Variants in SORCS2 observed in about 807,000 individuals in gnomAD.
The protein encoded by SORCS2 is sortilin related VPS10 domain containing receptor 2, also known as VPS10 domain-containing receptor SorCS2.
In SORCS2, 100 loss-of-function variants were observed where a neutral mutation model predicts 141.6. That is an observed-to-expected ratio of 0.71 (90% confidence interval 0.60 to 0.83). SORCS2 has a LOEUF of 0.83. Ranked by LOEUF, SORCS2 falls within the 40% of genes least tolerant of loss-of-function variation. SORCS2 has a pLI of 0.00. For missense variants in SORCS2, 1,646 were observed against 1,560.2 expected (o/e 1.05, Z -0.93); for synonymous variants, 789 against 676.9 (o/e 1.17, Z -2.57).
intron 2 of SORCS2, among the ~76,000 whole-genome samples, chr4:7,522,239 G>A (rs534886027): frequency 2.0e-5 from 3 of 152,212 alleles, no homozygotes; most frequent in Admixed American, 1.3e-4. Context: ...CCCTGAGGAG[G>A]AGGGGTGGGC....
chr4:7,400,598 G>A (rs1724512831), intron 2 of SORCS2, among the ~76,000 whole-genome samples: 2 of 152,206 alleles, frequency 1.3e-5, no homozygotes, highest in Non-Finnish European at 2.9e-5. Flanking sequence ...GATACATGTT[G>A]GGCATTGGAT....
chr4:7,548,310 G>C (rs951214522), intron 3 of SORCS2, among the ~76,000 whole-genome samples: 1 of 152,116 alleles, frequency 6.6e-6, no homozygotes, highest in Non-Finnish European at 1.5e-5. Flanking sequence ...CCTTGGCCTC[G>C]TGGGCAGTGA....
chr4:7,614,100 T>C (rs1469536643), intron 3 of SORCS2, among the ~76,000 whole-genome samples: 1 of 149,116 alleles, frequency 6.7e-6, no homozygotes, highest in African/African-American at 2.5e-5. Context: ...CCCATCACCA[T>C]CCATTCATCC....
At chr4:7,699,773 C>T (rs1051200903) in intron 12 of SORCS2, among the ~76,000 whole-genome samples, 7 of 152,194 alleles carry the variant, frequency 4.6e-5, no homozygotes, top group South Asian at 2.1e-4. Flanking sequence ...TGCACGCGTT[C>T]CACTGCTGTC....
Position 7,522,757 on chromosome 4 carries a change from CT to C in SORCS2, c.549-8769del, listed in dbSNP as rs1733413742. Among the ~76,000 whole-genome samples the C allele has an allele frequency of 7.4e-5, 5 of 68,024 alleles. 2 individuals carry two copies. The highest frequency in any genetic ancestry group is 1.3e-4 in the Non-Finnish European group (4 of 29,938). The allele number at this position is 68,024 out of a possible 152,430, so 44.6% of individuals were successfully genotyped here. ...TTCCTTCCTTTCTTTCCTCTCCCTC[CT>C]TTTCCTCTTCCTTCCCTCCTTTATC... On this transcript the variant is annotated intron_variant, in intron 2 of 26. Transcript: ENST00000507866.
intron 1 of SORCS2, among the ~76,000 whole-genome samples, chr4:7,393,085 TG>T (rs1330841918): frequency 6.6e-6 from 1 of 152,094 alleles, no homozygotes; most frequent in Non-Finnish European, 1.5e-5. Flanking sequence ...GGATGAGACG[TG>T]GGGTGATGCG....
At chr4:7,721,795 T>A (rs1371609947) in intron 18 of SORCS2, among the ~76,000 whole-genome samples, 1 of 152,146 alleles carries the variant, frequency 6.6e-6, no homozygotes, top group East Asian at 1.9e-4. Flanking sequence ...TGGCAAGATG[T>A]TAGCCTTGGG....
chr4:7,708,473 C>T (rs929870853), intron 14 of SORCS2, among the ~76,000 whole-genome samples: 6 of 152,086 alleles, frequency 3.9e-5, no homozygotes, highest in Non-Finnish European at 7.4e-5. Flanking sequence ...TCCCGCTGGC[C>T]GGCCGACCTT....
chr4:7,732,384 G>C (rs1414888018), intron 23 of SORCS2, among the ~76,000 whole-genome samples: 1 of 152,154 alleles, frequency 6.6e-6, no homozygotes, highest in African/African-American at 2.4e-5. Flanking sequence ...AGAGGGGCCG[G>C]GAGGGAGTGA....
chr4:7,253,367 T>C (rs6812479), intron 1 of SORCS2, among the ~76,000 whole-genome samples: 129,801 of 151,862 alleles, frequency 0.85, 55,664 homozygotes, highest in African/African-American at 0.92. Flanking sequence ...CTCTGGTCCA[T>C]TGCCTATGAC....
At chr4:7,733,103 A>G (rs1324113206) in intron 23 of SORCS2, among the ~76,000 whole-genome samples, 1 of 49,970 alleles carries the variant, frequency 2.0e-5, no homozygotes, top group Admixed American at 2.6e-4. Context: ...ACACCCCCTC[A>G]CTCTCTCCAC....
At chr4:7,269,417 T>C (rs896330667) in intron 1 of SORCS2, among the ~76,000 whole-genome samples, 1 of 152,198 alleles carries the variant, frequency 6.6e-6, no homozygotes, top group Non-Finnish European at 1.5e-5. Flanking sequence ...TCCTAACCCC[T>C]CCCAGTATCT....
chr4:7,490,086 G>C (rs977937811), intron 2 of SORCS2, among the ~76,000 whole-genome samples: 2 of 152,188 alleles, frequency 1.3e-5, no homozygotes, highest in African/African-American at 4.8e-5. Context: ...CAGCGGGAGG[G>C]CCCTGGGCTG....
chr4:7,272,088 C>G (rs951258528), intron 1 of SORCS2, among the ~76,000 whole-genome samples: 1 of 152,168 alleles, frequency 6.6e-6, no homozygotes, highest in Non-Finnish European at 1.5e-5. Context: ...TTTGAGGACT[C>G]GTGAGACTCA....
chr4:7,462,384 C>T (rs918139783), intron 2 of SORCS2, among the ~76,000 whole-genome samples: 3 of 152,188 alleles, frequency 2.0e-5, no homozygotes, highest in Non-Finnish European at 4.4e-5. Context: ...TAAAGACGGG[C>T]TTCGGGAGGC....
intron 4 of SORCS2, 125 bp from the exon 5 acceptor site, chr4:7,654,009 C>G: frequency 6.6e-6 from 6 of 907,344 alleles, no homozygotes; most frequent in Non-Finnish European, 5.2e-6. Flanking sequence ...AGCGCCTCCG[C>G]GTGTCCGCTG....
chr4:7,324,055 C>T lies in SORCS2; in HGVS notation c.481-72233C>T, dbSNP rs551268079. Among the ~76,000 whole-genome samples, 7 of 152,336 alleles carry T rather than the reference C, an allele frequency of 4.6e-5. No individual in the cohort carries two copies. The South Asian group carries it at 1.4e-3, about 32-fold the overall frequency. The stretch of plus-strand genomic sequence containing the variant: ...TCTCTCACAGGGATCTCCTGTTTCC[C>T]AGCCAGGGTCTTGCAGGCTTGGGGA... On this transcript the variant is annotated intron_variant, in intron 1 of 26. Coordinates refer to ENST00000507866, the MANE Select transcript of SORCS2 (RefSeq NM_020777.3).
rs1712954010 is a variant in SORCS2 at position 7,543,768 on chromosome 4, C to T, written c.648+12139C>T. 5.4e-5 allele frequency among the ~76,000 whole-genome samples: 6 copies of T among 111,028 alleles called. No homozygotes were observed. In the East Asian group the frequency reaches 1.5e-3, roughly 27 times the overall value. The allele number at this position is 111,028 out of a possible 152,430, so 72.8% of individuals were successfully genotyped here. On this transcript the variant is annotated intron_variant, in intron 3 of 26. Transcript: ENST00000507866. ...CCCATCCACCCATCCACCCACCCAT[C>T]CGTCCATCCATCCACTCATCCATCC...
intron 3 of SORCS2, among the ~76,000 whole-genome samples, chr4:7,565,281 A>G (rs1376019704): frequency 1.3e-5 from 2 of 152,198 alleles, no homozygotes; most frequent in Non-Finnish European, 2.9e-5. Context: ...TGGGCTCAGA[A>G]GTGAGAGGAT....
Sources: gnomAD v4.1 joint callset for allele counts (sites outside exome capture counted in the v4.1 genomes callset) on GRCh38, gnomAD v4.1.1 for gene constraint, MANE v1.5 for transcripts, NCBI Gene and HGNC (gene_info 2026-07-23, HGNC 2026-07-21) for gene names.